GNAI3: variants seen among roughly 807,000 people sequenced by gnomAD.
The protein encoded by GNAI3 is G protein subunit alpha i3.
In GNAI3, 12 loss-of-function variants were observed where a neutral mutation model predicts 41.8. The observed-to-expected ratio is 0.29, with a 90% CI of 0.18 to 0.47. The LOEUF is 0.47. Among genes scored for constraint, GNAI3 ranks in the 20% least tolerant of loss-of-function variants. GNAI3 has a pLI of 1.00. For missense variants in GNAI3, 360 were observed against 429.6 expected (o/e 0.84, Z 1.43); for synonymous variants, 132 against 146.5 (o/e 0.90, Z 0.71).
At chr1:109,558,722 T>C (rs1300106217) in intron 1 of GNAI3, among the ~76,000 whole-genome samples, 1 of 152,094 alleles carries the variant, frequency 6.6e-6, no homozygotes, top group Non-Finnish European at 1.5e-5. Context: ...TATTAATAAT[T>C]TGCTTCTAAG....
chr1:109,581,708 T>G (rs142597593), intron 4 of GNAI3, among the ~76,000 whole-genome samples: 4,035 of 152,040 alleles, frequency 0.027, 215 homozygotes, highest in African/African-American at 0.092. Flanking sequence ...GCCAACATGG[T>G]GAAACCCCAT....
intron 1 of GNAI3, among the ~76,000 whole-genome samples, chr1:109,555,830 C>T (rs1396105556): frequency 6.6e-6 from 1 of 152,124 alleles, no homozygotes; most frequent in Non-Finnish European, 1.5e-5. Context: ...TGAGCTTCTG[C>T]ATCCTCTAGC....
At chr1:109,590,644 C>T (rs1170069149) in intron 7 of GNAI3, among the ~76,000 whole-genome samples, 1 of 151,172 alleles carries the variant, frequency 6.6e-6, no homozygotes, top group African/African-American at 2.4e-5. Context: ...GGCATGATCT[C>T]GGCTCACTGC....
At chr1:109,581,707 G>T (rs1571160108) in intron 4 of GNAI3, among the ~76,000 whole-genome samples, 1 of 152,054 alleles carries the variant, frequency 6.6e-6, no homozygotes. Flanking sequence ...GGCCAACATG[G>T]TGAAACCCCA....
intron 1 of GNAI3, among the ~76,000 whole-genome samples, chr1:109,561,428 T>C (rs568322257): frequency 2.0e-5 from 3 of 152,252 alleles, no homozygotes; most frequent in Non-Finnish European, 4.4e-5. Context: ...ATTGGTGCCT[T>C]AATGTTAACT....
intron 1 of GNAI3, among the ~76,000 whole-genome samples, chr1:109,566,435 T>A (rs939950863): frequency 6.6e-6 from 1 of 152,142 alleles, no homozygotes; most frequent in South Asian, 2.1e-4. Flanking sequence ...TGAAAAAAAA[T>A]TTTTTTATTT....
intron 5 of GNAI3, among the ~76,000 whole-genome samples, chr1:109,585,510 TG>T (rs1433560463): frequency 2.0e-5 from 3 of 152,206 alleles, no homozygotes; most frequent in Non-Finnish European, 2.9e-5. Flanking sequence ...ATAATTTATT[TG>T]TTTTTACAAT....
intron 3 of GNAI3, among the ~76,000 whole-genome samples, chr1:109,575,621 T>G (rs2101102168): frequency 7.7e-6 from 1 of 129,688 alleles, no homozygotes; most frequent in African/African-American, 2.8e-5. Flanking sequence ...AGCCTCTGCC[T>G]CCCAGGTTCA....
chr1:109,573,898 T>A lies in GNAI3; in HGVS notation c.164T>A (p.Ile55Asn). 6.2e-7 allele frequency: 1 copy of A among 1,610,592 alleles called. No individual in the cohort carries two copies. Among genetic ancestry groups the A allele is most frequent in the South Asian group, 1.1e-5 (1 of 90,654 alleles). The change falls in exon 3 of 9, where the codon ATC becomes AAC. Residue 55 changes from isoleucine to asparagine, a missense_variant and splice_region_variant. Physicochemically the swap from Ile to Asn is moderately radical, Grantham distance 149. Coordinates refer to ENST00000369851, the MANE Select transcript of GNAI3 (RefSeq NM_006496.4). ...TTGTGGTTTTCTTTGTTTTAAAGAA[T>A]CATTCATGAGGATGGCTATTCAGAG... ...GKSTIVKQMK[I>N]IHEDGYSEDE...
At chr1:109,572,467 G>A (rs576233376) in intron 1 of GNAI3, among the ~76,000 whole-genome samples, 1 of 152,250 alleles carries the variant, frequency 6.6e-6, no homozygotes, top group East Asian at 1.9e-4. Context: ...TGAGCACCAA[G>A]AATTGACCAA....
At position 109,555,373 on chromosome 1, in the gene GNAI3, A is replaced by C. The variant is rs544374394; in HGVS notation, c.118+6535A>C. On this transcript the variant is annotated intron_variant, in intron 1 of 8. Coordinates refer to ENST00000369851, the MANE Select transcript of GNAI3 (RefSeq NM_006496.4). ...GAACAGAATAGAGAGCCCAGAAATAAAGCCAAATAACTTCCAGTCAACTAA... is the reference window on the plus strand; with the variant it reads ...GAACAGAATAGAGAGCCCAGAAATACAGCCAAATAACTTCCAGTCAACTAA... Among the ~76,000 whole-genome samples, 6 of 152,350 alleles carry C rather than the reference A, an allele frequency of 3.9e-5. No homozygotes were observed. In the South Asian group the frequency reaches 1.2e-3, roughly 32 times the overall value.
At position 109,548,659 on chromosome 1, in the gene GNAI3, C is replaced by T. The variant is rs534398210; in HGVS notation, c.-62C>T. ...CAGCAATAGACGGTGCCTCAGCCTG[C>T]CGAGCCGCAGTTTCCGTGGTGTGAG... On this transcript the variant is annotated 5_prime_UTR_variant, in exon 1 of 9. Coordinates refer to ENST00000369851, the MANE Select transcript of GNAI3 (RefSeq NM_006496.4). 110 of 1,208,928 alleles carry T rather than the reference C, an allele frequency of 9.1e-5. 1 individual carries two copies. In the South Asian group the frequency reaches 1.2e-3, roughly 14 times the overall value. 74.9% of individuals were successfully genotyped at this position (1,208,928 alleles called of 1,614,324 possible). A position where few individuals can be genotyped will look rare whatever the true frequency, so the allele number is the denominator to read the frequency against.
chr1:109,573,007 G>C (rs1648647154), intron 1 of GNAI3, among the ~76,000 whole-genome samples: 1 of 152,184 alleles, frequency 6.6e-6, no homozygotes, highest in Non-Finnish European at 1.5e-5. Context: ...TTATGGAAAA[G>C]TAGGGTAGGA....
chr1:109,554,682 T>C (rs1203057274), intron 1 of GNAI3, among the ~76,000 whole-genome samples: 1 of 152,208 alleles, frequency 6.6e-6, no homozygotes, highest in East Asian at 1.9e-4. Context: ...CTGATTTCTT[T>C]TGTTGCTCAG....
chr1:109,569,092 TA>T, intron 1 of GNAI3, among the ~76,000 whole-genome samples: 1 of 152,362 alleles, frequency 6.6e-6, no homozygotes, highest in Admixed American at 6.5e-5. Context: ...TTCCTCCTTT[TA>T]TTCTCAAAAA....
rs1369725282 is a variant in GNAI3 at position 109,592,159 on chromosome 1, A to C, written c.991A>C (p.Asn331His). Residue 331 changes from asparagine (N) to histidine (H), a missense_variant, in exon 8 of 9, where the codon AAT becomes CAT. Physicochemically the swap from Asn to His is moderately conservative, Grantham distance 68. Coordinates refer to ENST00000369851, the MANE Select transcript of GNAI3 (RefSeq NM_006496.4). ...THFTCATDTK[N>H]VQFVFDAVTD... The stretch of plus-strand genomic sequence containing the variant: ...CTTCACCTGTGCCACAGACACGAAG[A>C]ATGTGCAGTTTGTTTTTGATGCTGT... The C allele has an allele frequency of 1.2e-6, 2 of 1,613,198 alleles. No individual in the cohort carries two copies. Among genetic ancestry groups the C allele is most frequent in the Non-Finnish European group, 1.7e-6 (2 of 1,179,262 alleles).
At chr1:109,587,384 A>G (rs1368644251) in intron 7 of GNAI3, among the ~76,000 whole-genome samples, 1 of 152,254 alleles carries the variant, frequency 6.6e-6, no homozygotes. Flanking sequence ...TTAATTGCAC[A>G]TAAATAATTT....
chr1:109,581,645 T>C (rs751746547), intron 4 of GNAI3, among the ~76,000 whole-genome samples: 2 of 152,118 alleles, frequency 1.3e-5, no homozygotes, highest in Admixed American at 6.6e-5. Flanking sequence ...CCCAGCACTT[T>C]GGGAGGCCGA....
intron 1 of GNAI3, among the ~76,000 whole-genome samples, chr1:109,571,086 T>C (rs1047907819): frequency 6.6e-6 from 1 of 152,240 alleles, no homozygotes; most frequent in Non-Finnish European, 1.5e-5. Flanking sequence ...CCTTGTCTTA[T>C]CTGCACGTTA....
Sources: gnomAD v4.1 joint callset for allele counts (sites outside exome capture counted in the v4.1 genomes callset) on GRCh38, gnomAD v4.1.1 for gene constraint, MANE v1.5 for transcripts, NCBI Gene and HGNC (gene_info 2026-07-23, HGNC 2026-07-21) for gene names.